ANO6: variants seen among roughly 807,000 people sequenced by gnomAD.
ANO6 encodes the protein anoctamin-6.
ANO6 carries 106 observed loss-of-function variants against 117.5 expected under a neutral mutation model. That is an observed-to-expected ratio of 0.90 (90% CI 0.77 to 1.06). The LOEUF (loss-of-function observed/expected upper bound fraction) is 1.06, where lower values mean the gene tolerates loss of function less well. Among genes scored for constraint, ANO6 ranks in the 50% least tolerant of loss-of-function variants. ANO6 has a pLI of 0.00. For missense variants in ANO6, 955 were observed against 1,121.1 expected, an observed-to-expected ratio of 0.85 and a Z score of 2.12; for synonymous variants, 367 against 385.1, an observed-to-expected ratio of 0.95 and a Z score of 0.55.
intron 2 of ANO6, among the ~76,000 whole-genome samples, chr12:45,323,931 TTGTA>T (rs1319708910): frequency 7.2e-6 from 1 of 139,378 alleles, no homozygotes; most frequent in Admixed American, 8.0e-5. Context: ...GTTGTTGTTG[TTGTA>T]TTTTTTTTTT....
intron 1 of ANO6, among the ~76,000 whole-genome samples, chr12:45,262,990 C>T (rs1450731105): frequency 1.3e-5 from 2 of 151,930 alleles, no homozygotes; most frequent in Non-Finnish European, 2.9e-5. Context: ...AGTACATGGT[C>T]TATGGGATCA....
intron 1 of ANO6, among the ~76,000 whole-genome samples, chr12:45,260,175 G>T (rs1225583541): frequency 1.3e-5 from 2 of 152,220 alleles, no homozygotes; most frequent in Non-Finnish European, 2.9e-5. Context: ...AAAGAAAAAG[G>T]TTGAGTTTTA....
At chr12:45,313,217 G>T (rs1939902541) in intron 2 of ANO6, 1 of 151,928 alleles carries the variant, frequency 6.6e-6, no homozygotes, top group South Asian at 2.1e-4. Context: ...TATTCTGAAG[G>T]TTGCCCTAGG....
chr12:45,259,237 C>A (rs970744068), intron 1 of ANO6, among the ~76,000 whole-genome samples: 1 of 152,144 alleles, frequency 6.6e-6, no homozygotes, highest in African/African-American at 2.4e-5. Flanking sequence ...ATAGTACAAG[C>A]TCAAGGATTT....
At chr12:45,372,011 C>A (rs1212005233) in intron 9 of ANO6, among the ~76,000 whole-genome samples, 2 of 151,930 alleles carry the variant, frequency 1.3e-5, no homozygotes, top group African/African-American at 4.8e-5. Flanking sequence ...CAGAGAAGTG[C>A]TTAAAGGAGC....
chr12:45,229,843 C>A (rs137966399), intron 1 of ANO6, among the ~76,000 whole-genome samples: 1 of 151,944 alleles, frequency 6.6e-6, no homozygotes, highest in Non-Finnish European at 1.5e-5. Flanking sequence ...AGCCATGTGA[C>A]CCTGAATGAT....
chr12:45,320,932 G>A (rs1424917843), intron 2 of ANO6, among the ~76,000 whole-genome samples: 1 of 152,062 alleles, frequency 6.6e-6, no homozygotes, highest in Non-Finnish European at 1.5e-5. Context: ...CAGAGACTAG[G>A]ATTGCAACCC....
At chr12:45,402,374 G>T (rs1322174198) in intron 13 of ANO6, among the ~76,000 whole-genome samples, 1 of 152,132 alleles carries the variant, frequency 6.6e-6, no homozygotes, top group African/African-American at 2.4e-5. Flanking sequence ...ATGTTCCTCG[G>T]TTGCTGAGAG....
intron 2 of ANO6, among the ~76,000 whole-genome samples, chr12:45,308,112 G>A (rs1454986468): frequency 8.1e-6 from 1 of 123,274 alleles, no homozygotes; most frequent in East Asian, 2.6e-4. Flanking sequence ...GTACCCGGAA[G>A]GGTGATTACC....
intron 3 of ANO6, among the ~76,000 whole-genome samples, chr12:45,334,921 T>C (rs1940781737): frequency 6.6e-6 from 1 of 152,024 alleles, no homozygotes; most frequent in African/African-American, 2.4e-5. Flanking sequence ...ATCTTTTGAA[T>C]TTTGTTTTGT....
intron 11 of ANO6, among the ~76,000 whole-genome samples, chr12:45,390,202 G>A (rs1393706626): frequency 6.6e-6 from 1 of 152,178 alleles, no homozygotes; most frequent in Non-Finnish European, 1.5e-5. Flanking sequence ...GTTTATTCAT[G>A]CTTGCATTTT....
At chr12:45,280,147 G>C (rs1592910724) in intron 1 of ANO6, among the ~76,000 whole-genome samples, 2 of 152,192 alleles carry the variant, frequency 1.3e-5, no homozygotes, top group East Asian at 1.9e-4. Flanking sequence ...CATCCTGGGA[G>C]CACCCATCAG....
chr12:45,358,022 G>T (rs1349564667), intron 8 of ANO6, among the ~76,000 whole-genome samples: 1 of 152,174 alleles, frequency 6.6e-6, no homozygotes. Flanking sequence ...ATATGTGGGT[G>T]CCAGAGCACT....
chr12:45,276,319 GTA>G (rs1182804370), intron 1 of ANO6, among the ~76,000 whole-genome samples: 1 of 152,136 alleles, frequency 6.6e-6, no homozygotes, highest in African/African-American at 2.4e-5. Context: ...TGCCACAGAA[GTA>G]TGCTCTGTGA....
rs961368248 is a variant in ANO6, at chr12:45,437,979, C to T, written c.2527-1696C>T. On this transcript the variant is annotated intron_variant, in intron 19 of 19. Transcript: ENST00000425752. ...AAGTTGGCTAGTAAAACTTCAAGCA[C>T]GAGGGTAGCAAAAAAGACCAGCGCA... Among the ~76,000 whole-genome samples, 38 of 152,152 alleles carry T rather than the reference C, an allele frequency of 2.5e-4. 1 individual carries two copies. Among genetic ancestry groups the T allele is most frequent in the East Asian group, 1.9e-4 (1 of 5,188 alleles).
intron 1 of ANO6, among the ~76,000 whole-genome samples, chr12:45,267,809 C>T (rs1592896537): frequency 6.6e-6 from 1 of 151,908 alleles, no homozygotes; most frequent in Non-Finnish European, 1.5e-5. Flanking sequence ...ATAGCACTTA[C>T]TTGTTGTAAA....
intron 7 of ANO6, among the ~76,000 whole-genome samples, chr12:45,355,487 T>G (rs996297884): frequency 6.6e-6 from 1 of 152,138 alleles, no homozygotes; most frequent in Non-Finnish European, 1.5e-5. Flanking sequence ...TCTAAGATTC[T>G]TTCCAATTTA....
chr12:45,330,631 A>G lies in ANO6; in HGVS notation c.151-664A>G, dbSNP rs370198648. Among the ~76,000 whole-genome samples the G allele has an allele frequency of 4.0e-4, 61 of 152,226 alleles. No individual in the cohort carries two copies. The East Asian group carries it at 8.1e-3, about 20-fold the overall frequency. Reference sequence around the variant, plus strand: ...TTCCTTTTAAACCATAAGGATTTTAAGCTCTAAACTAAAGGCTTCTATATT... The same window carrying G: ...TTCCTTTTAAACCATAAGGATTTTAGGCTCTAAACTAAAGGCTTCTATATT... On this transcript the variant is annotated intron_variant, in intron 2 of 19. Coordinates refer to ENST00000320560, the MANE Select transcript of ANO6 (RefSeq NM_001025356.3).
chr12:45,235,961 G>C (rs1048283533), intron 1 of ANO6, among the ~76,000 whole-genome samples: 1 of 152,116 alleles, frequency 6.6e-6, no homozygotes, highest in Non-Finnish European at 1.5e-5. Context: ...TGCCCCTTCC[G>C]GGATCCTGGC....
Sources: allele counts gnomAD v4.1 joint callset (sites outside exome capture counted in the v4.1 genomes callset), GRCh38; gene constraint gnomAD v4.1.1; transcripts MANE v1.5; gene names NCBI Gene and HGNC (gene_info 2026-07-23, HGNC 2026-07-21).